EXD2: variants seen among roughly 807,000 people sequenced by gnomAD.
EXD2 encodes the protein exonuclease 3'-5' domain-containing protein 2.
EXD2 carries 40 observed loss-of-function variants against 62.5 expected under a neutral mutation model. The observed-to-expected ratio is 0.64, with a 90% confidence interval of 0.50 to 0.83. EXD2 has a LOEUF of 0.83. EXD2 is among the 40% of genes least tolerant of loss of function. The pLI, the probability that EXD2 is intolerant of heterozygous loss-of-function variation, is 0.00. For missense variants in EXD2, 671 were observed against 761.8 expected (o/e 0.88, Z 1.40); for synonymous variants, 239 against 291.9 (o/e 0.82, Z 1.85).
At chr14:69,196,448 T>G (rs759529342) in intron 1 of EXD2, among the ~76,000 whole-genome samples, 9 of 152,198 alleles carry the variant, frequency 5.9e-5, no homozygotes, top group Non-Finnish European at 1.0e-4. Flanking sequence ...TGGGCTATTA[T>G]GAATAGCTAT....
chr14:69,205,736 TTG>T (rs1335551592), intron 2 of EXD2, among the ~76,000 whole-genome samples: 2 of 151,342 alleles, frequency 1.3e-5, no homozygotes, highest in African/African-American at 2.4e-5. Context: ...TGGGGTGTGT[TTG>T]TGTGTGTGTG....
At chr14:69,226,434 C>T (rs1045362869) in intron 3 of EXD2, among the ~76,000 whole-genome samples, 2 of 152,168 alleles carry the variant, frequency 1.3e-5, no homozygotes, top group Admixed American at 6.5e-5. Flanking sequence ...CATGGTTTTA[C>T]TCCGCCTTAG....
intron 3 of EXD2, among the ~76,000 whole-genome samples, chr14:69,220,251 C>CTCTTTTTTT (rs2043123001): frequency 1.7e-5 from 1 of 60,604 alleles, no homozygotes; most frequent in African/African-American, 7.0e-5. Flanking sequence ...TTTTGTCTCT[C>CTCTTTTTTT]TGTTTTTTTT....
chr14:69,231,926 A>G (rs890041668), intron 5 of EXD2, among the ~76,000 whole-genome samples: 12 of 151,630 alleles, frequency 7.9e-5, no homozygotes, highest in Admixed American at 3.9e-4. Context: ...AAAAAAAAAA[A>G]AAAAAAAAAA....
At chr14:69,205,122 G>C (rs2042544789) in intron 2 of EXD2, among the ~76,000 whole-genome samples, 1 of 152,308 alleles carries the variant, frequency 6.6e-6, no homozygotes, top group Middle Eastern at 3.4e-3. Context: ...TACCAAATCT[G>C]ACCCCCTTCA....
Position 69,229,055 on chromosome 14 carries a change from C to T in EXD2, c.573C>T (p.Tyr191=). 1 of 1,614,156 alleles carries T rather than the reference C, an allele frequency of 6.2e-7. No homozygotes were observed. The highest frequency in any genetic ancestry group is 8.5e-7 in the Non-Finnish European group (1 of 1,180,014). ...LVVRGCLDLR[Y]LAMRQRNNLL... ...TTAGGGGGTGCCTGGACCTCCGATA[C>T]CTAGCCATGCGGCAGAGGTGTGGTT... is the stretch of plus-strand genomic sequence containing the variant. Residue 191 remains tyrosine, a synonymous_variant, in exon 4 of 10, where the codon TAC becomes TAT. Transcript: ENST00000685843.
At chr14:69,199,919 G>A (rs948233231) in intron 1 of EXD2, among the ~76,000 whole-genome samples, 1 of 152,162 alleles carries the variant, frequency 6.6e-6, no homozygotes, top group African/African-American at 2.4e-5. Flanking sequence ...GTTTATTGTC[G>A]TTATCAGGTA....
intron 5 of EXD2, 93 bp from the exon 6 acceptor site, chr14:69,234,607 C>T: frequency 9.7e-7 from 1 of 1,034,474 alleles, no homozygotes. Flanking sequence ...GAATTAGGAT[C>T]CTAAGAGTTA....
At chr14:69,227,589 T>C (rs1057162909) in intron 3 of EXD2, among the ~76,000 whole-genome samples, 2 of 152,194 alleles carry the variant, frequency 1.3e-5, no homozygotes, top group African/African-American at 4.8e-5. Flanking sequence ...GGCTCATGCC[T>C]GTAATCCCAG....
chr14:69,230,133 C>T (rs567997828), intron 4 of EXD2, among the ~76,000 whole-genome samples: 34 of 152,170 alleles, frequency 2.2e-4, no homozygotes, highest in African/African-American at 7.5e-4. Flanking sequence ...AAAGCTGACT[C>T]GGGAGCACAC....
chr14:69,238,055 T>C (rs1276570100), intron 9 of EXD2, 124 bp downstream of exon 9: 4 of 787,670 alleles, frequency 5.1e-6, no homozygotes, highest in Non-Finnish European at 8.2e-6. Context: ...CTTCACCTAG[T>C]AGGTGTCTAG....
chr14:69,238,629 G>A (rs1259639297), intron 9 of EXD2, among the ~76,000 whole-genome samples: 1 of 138,204 alleles, frequency 7.2e-6, no homozygotes, highest in Non-Finnish European at 1.6e-5. Flanking sequence ...AAATAGTTTT[G>A]TGGTTTTTTT....
rs1483680615 is a variant in EXD2 at position 69,237,715 on chromosome 14, C to T, written c.1433C>T (p.Ala478Val). ...YYDNHLKQQL[A>V]KEFQAPIGSE... ...GACAACCATCTGAAGCAGCAGCTGG[C>T]CAAGGAGTTCCAGGCCCCCATCGGC... is the stretch of plus-strand genomic sequence containing the variant. The change falls in exon 9 of 10, where the codon GCC becomes GTC. Residue 478 changes from alanine to valine, a missense_variant. Physicochemically the swap from Ala to Val is moderately conservative, Grantham distance 64. Coordinates refer to ENST00000685843, the MANE Select transcript of EXD2 (RefSeq NM_001193360.2). 4 of 1,614,132 alleles carry T rather than the reference C, an allele frequency of 2.5e-6. No homozygotes were observed. The highest frequency in any genetic ancestry group is 3.4e-6 in the Non-Finnish European group (4 of 1,179,978).
At chr14:69,210,576 G>C (rs2042773185) in intron 3 of EXD2, among the ~76,000 whole-genome samples, 1 of 152,180 alleles carries the variant, frequency 6.6e-6, no homozygotes, top group Non-Finnish European at 1.5e-5. Context: ...GGTAGGCTAA[G>C]GTGGGGAAAA....
chr14:69,209,300 T>C, intron 2 of EXD2, 124 bp from the exon 3 acceptor site: 2 of 481,510 alleles, frequency 4.2e-6, no homozygotes, highest in South Asian at 9.3e-5. Flanking sequence ...CACATGGAAA[T>C]TTATAGCAGT....
At chr14:69,192,230 GAT>G (rs1292013436) in intron 1 of EXD2, 1 of 152,120 alleles carries the variant, frequency 6.6e-6, no homozygotes, top group Non-Finnish European at 1.5e-5. Flanking sequence ...ATAAGCTTTT[GAT>G]ATGATTCCAA....
intron 1 of EXD2, among the ~76,000 whole-genome samples, chr14:69,203,008 G>A (rs2042459810): frequency 2.0e-5 from 3 of 152,126 alleles, no homozygotes; most frequent in Non-Finnish European, 4.4e-5. Context: ...CCAGCTGCTG[G>A]GAAGTAATAG....
intron 3 of EXD2, among the ~76,000 whole-genome samples, chr14:69,221,909 T>TAAAAAAAA (rs60647735): frequency 7.7e-5 from 4 of 52,056 alleles, no homozygotes; most frequent in Non-Finnish European, 9.8e-5. Flanking sequence ...CTGTCTCTAC[T>TAAAAAAAA]AAAAAAAAAA....
chr14:69,241,773 T>G lies in EXD2; in HGVS notation c.*673T>G. The G allele has an allele frequency of 2.5e-6, 1 of 398,424 alleles. No homozygotes were observed. The allele number at this position is 398,424 out of a possible 1,614,324, so 24.7% of individuals were successfully genotyped here. The stretch of plus-strand genomic sequence containing the variant: ...ACTGGGAGAAATCCTTTTCTGGACA[T>G]GAGCCTTTGACCTGGGTGGGGCAGA... On this transcript the variant is annotated 3_prime_UTR_variant, in exon 10 of 10. Transcript: ENST00000685843.
Sources: allele counts gnomAD v4.1 joint callset (sites outside exome capture counted in the v4.1 genomes callset), GRCh38; gene constraint gnomAD v4.1.1; transcripts MANE v1.5; gene names NCBI Gene and HGNC (gene_info 2026-07-23, HGNC 2026-07-21).